GALNT13: variants seen among roughly 807,000 people sequenced by gnomAD.
GALNT13 encodes UDP-GalNAc:polypeptide N-acetylgalactosaminyltransferase 13.
GALNT13 carries 28 observed loss-of-function variants against 64.2 expected under a neutral mutation model. That is an observed-to-expected ratio of 0.44 (90% confidence interval 0.32 to 0.60). GALNT13 has a LOEUF of 0.60. GALNT13 is among the 20% of genes least tolerant of loss of function. The probability of loss-of-function intolerance (pLI) is 0.05; values close to 1 mark genes in which losing one functional copy is unlikely to be tolerated. For missense variants in GALNT13, 577 were observed against 669.8 expected, an observed-to-expected ratio of 0.86 and a Z score of 1.53; for synonymous variants, 214 against 224.6, an observed-to-expected ratio of 0.95 and a Z score of 0.42.
intron 9 of GALNT13, among the ~76,000 whole-genome samples, chr2:154,304,152 A>G (rs915021249): frequency 2.0e-5 from 3 of 152,194 alleles, no homozygotes; most frequent in African/African-American, 7.2e-5. Flanking sequence ...GAATGGGGGC[A>G]TTGTATGTTT....
the GALNT13 span, among the ~76,000 whole-genome samples, chr2:153,612,543 G>A: frequency 2.0e-5 from 3 of 151,944 alleles, no homozygotes; most frequent in Middle Eastern, 3.4e-3. Context: ...AAAGTCATCT[G>A]ATAAACTGAG....
the GALNT13 span, among the ~76,000 whole-genome samples, chr2:153,743,102 G>C: frequency 1.5e-5 from 2 of 130,518 alleles, no homozygotes; most frequent in African/African-American, 2.8e-5. Flanking sequence ...AGAGGGGAGG[G>C]GGAGGGGTAG....
At chr2:154,415,788 A>AAC (rs1057351451) in intron 11 of GALNT13, among the ~76,000 whole-genome samples, 35 of 152,254 alleles carry the variant, frequency 2.3e-4, no homozygotes, top group African/African-American at 8.4e-4. Flanking sequence ...GAATACATTC[A>AAC]ACAGATATAT....
chr2:153,253,927 G>C, the GALNT13 span, among the ~76,000 whole-genome samples: 20 of 152,068 alleles, frequency 1.3e-4, no homozygotes, highest in East Asian at 1.3e-3. Context: ...GTCTAAAATT[G>C]TCTTTTTTGG....
the GALNT13 span, among the ~76,000 whole-genome samples, chr2:153,512,773 A>ATTG: frequency 6.6e-6 from 1 of 150,854 alleles, no homozygotes; most frequent in African/African-American, 2.4e-5. Context: ...AAAGATTATT[A>ATTG]TTGTTGTTAT....
chr2:153,343,988 T>G, the GALNT13 span, among the ~76,000 whole-genome samples: 1 of 152,164 alleles, frequency 6.6e-6, no homozygotes, highest in Non-Finnish European at 1.5e-5. Context: ...TATGTCATTA[T>G]ATTTCCTCAG....
the GALNT13 span, among the ~76,000 whole-genome samples, chr2:153,285,547 T>C: frequency 6.6e-6 from 1 of 152,254 alleles, no homozygotes; most frequent in Middle Eastern, 3.4e-3. Context: ...AAAAGGATAA[T>C]ATTTACACGA....
the GALNT13 span, among the ~76,000 whole-genome samples, chr2:153,256,565 T>G: frequency 6.6e-6 from 1 of 152,208 alleles, no homozygotes; most frequent in African/African-American, 2.4e-5. Flanking sequence ...GTTTCCAGTT[T>G]TTCTGCTCTG....
At chr2:154,058,750 A>G (rs944137432) in intron 3 of GALNT13, among the ~76,000 whole-genome samples, 67 of 152,178 alleles carry the variant, frequency 4.4e-4, no homozygotes, top group Non-Finnish European at 6.9e-4. Flanking sequence ...TTAGCAGGCA[A>G]TAAGTTTGGA....
chr2:154,013,263 G>A (rs1696767034), intron 3 of GALNT13, among the ~76,000 whole-genome samples: 1 of 151,332 alleles, frequency 6.6e-6, no homozygotes, highest in South Asian at 2.1e-4. Flanking sequence ...TTTGATTGTG[G>A]TATAGGGTGC....
At chr2:154,021,369 T>C (rs1697476014) in intron 3 of GALNT13, among the ~76,000 whole-genome samples, 1 of 152,192 alleles carries the variant, frequency 6.6e-6, no homozygotes, top group Admixed American at 6.5e-5. Flanking sequence ...TGTCCTCTTG[T>C]ATTTCCTTGA....
intron 3 of GALNT13, among the ~76,000 whole-genome samples, chr2:154,070,862 C>T (rs1308762280): frequency 6.6e-6 from 1 of 151,610 alleles, no homozygotes; most frequent in Non-Finnish European, 1.5e-5. Context: ...TTGCAGTGAG[C>T]CGAGATTGCA....
chr2:153,331,194 T>G, the GALNT13 span, among the ~76,000 whole-genome samples: 3,352 of 151,734 alleles, frequency 0.022, 119 homozygotes, highest in African/African-American at 0.075. Flanking sequence ...GTTGAAGATT[T>G]TTGTGTCTAT....
the GALNT13 span, among the ~76,000 whole-genome samples, chr2:153,220,728 C>T: frequency 2.0e-5 from 3 of 152,112 alleles, no homozygotes; most frequent in African/African-American, 7.2e-5. Flanking sequence ...CACTCCTGCA[C>T]ATAGGCTAAG....
chr2:153,897,647 A>G (rs541986339), intron 1 of GALNT13, among the ~76,000 whole-genome samples: 59 of 152,166 alleles, frequency 3.9e-4, no homozygotes, highest in Non-Finnish European at 6.9e-4. Flanking sequence ...GTGCTGATCC[A>G]CTAATGTTTT....
At chr2:153,199,033 C>T in the GALNT13 span, among the ~76,000 whole-genome samples, 1 of 152,154 alleles carries the variant, frequency 6.6e-6, no homozygotes, top group Non-Finnish European at 1.5e-5. Flanking sequence ...TCCTCTTTTC[C>T]CTTTTGGGGT....
intron 4 of GALNT13, among the ~76,000 whole-genome samples, chr2:154,144,262 G>C: frequency 6.6e-6 from 1 of 151,932 alleles, no homozygotes; most frequent in East Asian, 1.9e-4. Context: ...GAACTGCCTG[G>C]GAACAACTAA....
chr2:154,228,045 C>G (rs77455963), intron 4 of GALNT13, among the ~76,000 whole-genome samples: 3,711 of 150,636 alleles, frequency 0.025, 135 homozygotes, highest in African/African-American at 0.08. Flanking sequence ...TGTTCTCAAA[C>G]AGTTTGCTGG....
At chr2:153,339,257 T>G in the GALNT13 span, among the ~76,000 whole-genome samples, 1 of 152,224 alleles carries the variant, frequency 6.6e-6, no homozygotes, top group African/African-American at 2.4e-5. Context: ...AGGGTTCCCT[T>G]TTCTTCACAT....
Sources: gnomAD v4.1 joint callset for allele counts (sites outside exome capture counted in the v4.1 genomes callset) on GRCh38, gnomAD v4.1.1 for gene constraint, MANE v1.5 for transcripts, NCBI Gene and HGNC (gene_info 2026-07-23, HGNC 2026-07-21) for gene names.